PPFIA2: variants seen among roughly 807,000 people sequenced by gnomAD.
The protein encoded by PPFIA2 is liprin-alpha-2.
PPFIA2 carries 46 observed loss-of-function variants against 175.5 expected under a neutral mutation model. That is an observed-to-expected ratio of 0.26 (90% CI 0.21 to 0.34). PPFIA2 has a LOEUF of 0.34. Ranked by LOEUF, PPFIA2 falls within the 10% of genes least tolerant of loss-of-function variation. The pLI, the probability that PPFIA2 is intolerant of heterozygous loss-of-function variation, is 1.00. For synonymous variants in PPFIA2, 568 were observed against 511.4 expected (o/e 1.11, Z -1.49); for missense variants, 1,179 against 1,506.1 (o/e 0.78, Z 3.60).
intron 4 of PPFIA2, among the ~76,000 whole-genome samples, chr12:81,504,908 A>G (rs781084700): frequency 8.5e-5 from 13 of 152,142 alleles, no homozygotes; most frequent in Non-Finnish European, 1.6e-4. Flanking sequence ...AAAACCAAAC[A>G]CCACATGTTC....
rs554092647 is a variant in PPFIA2 at position 81,727,480 on chromosome 12, C to A, written c.249+26493G>T. Among the ~76,000 whole-genome samples the A allele has an allele frequency of 2.6e-5, 4 of 151,312 alleles. No individual in the cohort carries two copies. The East Asian group carries it at 7.8e-4, about 30-fold the overall frequency. ...CTATTAACATAGTTCAAGTATTTCT[C>A]CTTGTTTCTATGCTGTTTCTTTGGG... On this transcript the variant is annotated intron_variant, in intron 3 of 32. Transcript: ENST00000549396.
intron 3 of PPFIA2, among the ~76,000 whole-genome samples, chr12:81,701,018 C>T (rs992284285): frequency 5.3e-5 from 8 of 151,980 alleles, no homozygotes; most frequent in Non-Finnish European, 4.4e-5. Flanking sequence ...TGAGTAAATT[C>T]GGTAAGAACT....
intron 7 of PPFIA2, among the ~76,000 whole-genome samples, chr12:81,415,884 C>A (rs907450712): frequency 1.2e-4 from 18 of 151,410 alleles, no homozygotes; most frequent in Admixed American, 1.1e-3. Context: ...GTACTAACAT[C>A]TCTCTTCTTT....
chr12:81,418,613 CA>C (rs1330984081), intron 7 of PPFIA2, among the ~76,000 whole-genome samples: 1 of 151,854 alleles, frequency 6.6e-6, no homozygotes, highest in Admixed American at 6.6e-5. Context: ...TGACAGAGAC[CA>C]TCTGGCTCAT....
intron 4 of PPFIA2, among the ~76,000 whole-genome samples, chr12:81,492,491 C>A (rs547784411): frequency 6.6e-6 from 1 of 151,700 alleles, no homozygotes; most frequent in African/African-American, 2.4e-5. Flanking sequence ...TAAAATAAAA[C>A]GGGGAGGGGT....
At chr12:81,667,550 AAGTT>A (rs1482931877) in intron 4 of PPFIA2, among the ~76,000 whole-genome samples, 1 of 152,136 alleles carries the variant, frequency 6.6e-6, no homozygotes, top group Non-Finnish European at 1.5e-5. Flanking sequence ...CATGTAAATG[AAGTT>A]AGTTAATGAA....
chr12:81,671,081 A>C (rs1042694518), intron 4 of PPFIA2, among the ~76,000 whole-genome samples: 4 of 151,898 alleles, frequency 2.6e-5, no homozygotes, highest in Non-Finnish European at 4.4e-5. Flanking sequence ...TTTCCAAATC[A>C]TTCATATATT....
intron 7 of PPFIA2, among the ~76,000 whole-genome samples, chr12:81,420,988 G>T (rs1656950544): frequency 6.6e-6 from 1 of 152,116 alleles, no homozygotes; most frequent in South Asian, 2.1e-4. Flanking sequence ...CAGAAACATT[G>T]CAGGCCAAGA....
At chr12:81,273,082 T>A (rs1275121941) in intron 28 of PPFIA2, among the ~76,000 whole-genome samples, 2 of 152,122 alleles carry the variant, frequency 1.3e-5, no homozygotes, top group Admixed American at 1.3e-4. Flanking sequence ...GACCTTTGAT[T>A]TTTTTTACTG....
chr12:81,340,996 C>A, intron 20 of PPFIA2, 82 bp downstream of exon 20: 1 of 1,358,126 alleles, frequency 7.4e-7, no homozygotes. Context: ...AATTGTTAAG[C>A]AGTCTATTCG....
At chr12:81,530,602 G>A (rs371481477) in intron 4 of PPFIA2, among the ~76,000 whole-genome samples, 17 of 151,794 alleles carry the variant, frequency 1.1e-4, no homozygotes, top group African/African-American at 2.7e-4. Flanking sequence ...AAAACCACTC[G>A]GAATGTCCAC....
intron 3 of PPFIA2, among the ~76,000 whole-genome samples, chr12:81,732,887 G>A (rs1445268177): frequency 4.6e-5 from 7 of 151,334 alleles, no homozygotes; most frequent in Non-Finnish European, 1.0e-4. Flanking sequence ...AGCAGTACAA[G>A]GAAACAACTT....
chr12:81,755,126 A>G (rs1799026659), intron 2 of PPFIA2, among the ~76,000 whole-genome samples: 2 of 152,210 alleles, frequency 1.3e-5, no homozygotes, highest in African/African-American at 2.4e-5. Flanking sequence ...GTAACTTCAC[A>G]TCTCAACCGC....
chr12:81,582,452 G>T (rs906160278), intron 4 of PPFIA2, among the ~76,000 whole-genome samples: 2 of 151,324 alleles, frequency 1.3e-5, no homozygotes, highest in Non-Finnish European at 2.9e-5. Context: ...TTAGATTAAC[G>T]CAATATTAAA....
intron 30 of PPFIA2, among the ~76,000 whole-genome samples, chr12:81,266,283 G>A (rs2037230364): frequency 6.6e-6 from 1 of 152,090 alleles, no homozygotes; most frequent in African/African-American, 2.4e-5. Context: ...AGACCCTGTA[G>A]AAAAACTCAG....
At chr12:81,530,565 C>T (rs182084848) in intron 4 of PPFIA2, among the ~76,000 whole-genome samples, 14 of 151,712 alleles carry the variant, frequency 9.2e-5, no homozygotes, top group East Asian at 5.8e-4. Context: ...TAAAAGAGGG[C>T]GAAGTGTGGC....
At chr12:81,481,147 AC>A (rs2058168627) in intron 4 of PPFIA2, among the ~76,000 whole-genome samples, 1 of 152,166 alleles carries the variant, frequency 6.6e-6, no homozygotes. Context: ...CACAATTGCT[AC>A]AAAGTGAATA....
chr12:81,581,657 G>C (rs554083895), intron 4 of PPFIA2, among the ~76,000 whole-genome samples: 1 of 151,204 alleles, frequency 6.6e-6, no homozygotes, highest in Admixed American at 6.6e-5. Context: ...TCACTTCCTT[G>C]CCGTAATTTA....
At position 81,380,955 on chromosome 12, in the gene PPFIA2, C is replaced by T. The variant is rs111366543; in HGVS notation, c.984+3068G>A. 1.6e-4 allele frequency among the ~76,000 whole-genome samples: 23 copies of T among 146,232 alleles called. 1 individual carries two copies. Among genetic ancestry groups the T allele is most frequent in the Non-Finnish European group, 2.2e-4 (15 of 67,028 alleles). The stretch of plus-strand genomic sequence containing the variant: ...TTTCAGAATTCGTTTATTTAGCTTT[C>T]ACAGTGCTGTGTGTGTGTGTGTGTG... On this transcript the variant is annotated intron_variant, in intron 9 of 32. Coordinates refer to ENST00000549396, the MANE Select transcript of PPFIA2 (RefSeq NM_003625.5).
Sources: allele counts gnomAD v4.1 joint callset (sites outside exome capture counted in the v4.1 genomes callset), GRCh38; gene constraint gnomAD v4.1.1; transcripts MANE v1.5; gene names NCBI Gene and HGNC (gene_info 2026-07-23, HGNC 2026-07-21).